The following OSBP2 variants were observed in gnomAD, a reference collection of about 807,000 sequenced individuals.
OSBP2 encodes the protein oxysterol-binding protein 2.
In OSBP2, 66 loss-of-function variants were observed where a neutral mutation model predicts 96.0. That is an observed-to-expected ratio of 0.69 (90% CI 0.56 to 0.84). OSBP2 has a LOEUF of 0.84. OSBP2 is among the 40% of genes least tolerant of loss of function. The probability of loss-of-function intolerance (pLI) is 0.00; values close to 1 mark genes in which losing one functional copy is unlikely to be tolerated. For synonymous variants in OSBP2, 525 were observed against 520.9 expected (o/e 1.01, Z -0.11); for missense variants, 1,038 against 1,222.7 (o/e 0.85, Z 2.25).
intron 4 of OSBP2, among the ~76,000 whole-genome samples, chr22:30,887,915 G>T (rs1030044706): frequency 2.0e-5 from 3 of 152,234 alleles, no homozygotes. Context: ...TGGGTTGGGG[G>T]TCATGGGGAC....
chr22:30,707,633 C>T (rs552954067), intron 1 of OSBP2, among the ~76,000 whole-genome samples: 14 of 150,826 alleles, frequency 9.3e-5, no homozygotes, highest in South Asian at 2.1e-4. Flanking sequence ...AGAGGAATGG[C>T]GTGAACCCGG....
At chr22:30,832,545 C>T (rs537021562) in intron 2 of OSBP2, among the ~76,000 whole-genome samples, 2 of 152,266 alleles carry the variant, frequency 1.3e-5, no homozygotes, top group African/African-American at 4.8e-5. Flanking sequence ...CCTGCCTTGG[C>T]CTTCCAAATG....
At chr22:30,712,881 G>A (rs2089376937) in intron 1 of OSBP2, among the ~76,000 whole-genome samples, 1 of 151,988 alleles carries the variant, frequency 6.6e-6, no homozygotes, top group Non-Finnish European at 1.5e-5. Flanking sequence ...GTAAAGGAAG[G>A]AGCCCTGGTT....
At chr22:30,745,467 C>T (rs561061538) in intron 2 of OSBP2, among the ~76,000 whole-genome samples, 75 of 152,030 alleles carry the variant, frequency 4.9e-4, no homozygotes, top group African/African-American at 1.7e-3. Context: ...TGAGACCAGC[C>T]TGGCCAACAT....
At chr22:30,822,811 A>C in intron 2 of OSBP2, 1 of 999,484 alleles carries the variant, frequency 1.0e-6, no homozygotes, top group Non-Finnish European at 1.4e-6. Flanking sequence ...GGAGCCTCTG[A>C]TGTCACTCCC....
intron 2 of OSBP2, among the ~76,000 whole-genome samples, chr22:30,858,368 G>A (rs1353064241): frequency 4.0e-5 from 6 of 150,712 alleles, no homozygotes; most frequent in East Asian, 2.0e-4. Flanking sequence ...GGATGGTCTC[G>A]ATCTCCTGAC....
chr22:30,788,546 G>A (rs1464779376), intron 2 of OSBP2, among the ~76,000 whole-genome samples: 1 of 152,164 alleles, frequency 6.6e-6, no homozygotes, highest in Non-Finnish European at 1.5e-5. Flanking sequence ...TGATTTTGCT[G>A]TGGCCTAGAC....
chr22:30,905,782 A>G (rs1356905414), intron 12 of OSBP2, 55 bp from the exon 13 acceptor site: 6 of 1,599,576 alleles, frequency 3.8e-6, no homozygotes, highest in Non-Finnish European at 5.1e-6. Context: ...GCGGCCGGGT[A>G]GGTGTGGTCC....
intron 1 of OSBP2, among the ~76,000 whole-genome samples, chr22:30,738,269 C>T (rs2089885244): frequency 1.3e-5 from 2 of 152,052 alleles, no homozygotes; most frequent in Non-Finnish European, 2.9e-5. Flanking sequence ...GAACACTGCC[C>T]ATCCCCCTCT....
At chr22:30,766,661 C>T (rs1332959569) in intron 2 of OSBP2, among the ~76,000 whole-genome samples, 1 of 152,106 alleles carries the variant, frequency 6.6e-6, no homozygotes, top group Non-Finnish European at 1.5e-5. Flanking sequence ...CTGACTCACA[C>T]CTGGGCCATT....
chr22:30,739,506 G>A (rs945750364), intron 1 of OSBP2, among the ~76,000 whole-genome samples: 7 of 151,122 alleles, frequency 4.6e-5, no homozygotes, highest in East Asian at 3.9e-4. Flanking sequence ...ACAGAGTCTC[G>A]CTCTGTCACC....
At chr22:30,867,942 G>A (rs538351276) in intron 2 of OSBP2, among the ~76,000 whole-genome samples, 15 of 152,380 alleles carry the variant, frequency 9.8e-5, no homozygotes, top group African/African-American at 3.4e-4. Context: ...GGCCGTTCTG[G>A]TTATTAGATG....
rs577920145 is a variant in OSBP2, at chr22:30,749,693, C to T, written c.853+8324C>T. On this transcript the variant is annotated intron_variant, in intron 2 of 13. Coordinates refer to ENST00000332585, the MANE Select transcript of OSBP2 (RefSeq NM_030758.4). ...CGCAATCTTGGCTTACTGCAACCTC[C>T]GCCTCCCAGGTTCAAGCAATTCTCC... Among the ~76,000 whole-genome samples the T allele has an allele frequency of 4.6e-5, 7 of 152,178 alleles. No homozygotes were observed. The East Asian group carries it at 1.2e-3, about 25-fold the overall frequency.
At chr22:30,831,178 A>T (rs1259256908) in intron 2 of OSBP2, among the ~76,000 whole-genome samples, 4 of 152,202 alleles carry the variant, frequency 2.6e-5, no homozygotes, top group African/African-American at 9.6e-5. Flanking sequence ...GTTCTGGTTC[A>T]TGATGCTTGG....
At chr22:30,795,518 A>ATTTTTTTTTTT (rs136288) in intron 2 of OSBP2, among the ~76,000 whole-genome samples, 1 of 122,300 alleles carries the variant, frequency 8.2e-6, no homozygotes. Flanking sequence ...TATCCAATGC[A>ATTTTTTTTTTT]TTTTTTTTTT....
chr22:30,856,200 C>G (rs564855171), intron 2 of OSBP2, among the ~76,000 whole-genome samples: 1 of 152,084 alleles, frequency 6.6e-6, no homozygotes, highest in Admixed American at 6.6e-5. Context: ...GCCTCCTACC[C>G]CTATACCCCT....
At chr22:30,698,201 A>G (rs774447536) in intron 1 of OSBP2, among the ~76,000 whole-genome samples, 15 of 152,134 alleles carry the variant, frequency 9.9e-5, no homozygotes, top group Non-Finnish European at 1.6e-4. Flanking sequence ...AGCCCTCTCC[A>G]GACACCCAGC....
chr22:30,893,965 T>C lies in OSBP2; in HGVS notation c.2339T>C (p.Leu780Pro), dbSNP rs1268236661. ...DGKQKTVYQT[L>P]SAKLLWKKYP... is the part of the protein sequence containing the mutation. ...AAGCAGAAGACAGTGTACCAGACCC[T>C]GTCAGCCAAGCTGCTGTGGAAGAAG... Residue 780 changes from leucine to proline, a missense_variant, in exon 12 of 14, where the codon CTG (leucine) becomes CCG (proline). By Grantham distance (98) the Leu-to-Pro change is moderately conservative. Transcript: ENST00000332585. 5 of 1,599,738 alleles carry C rather than the reference T, an allele frequency of 3.1e-6. No homozygotes were observed. Among genetic ancestry groups the C allele is most frequent in the Non-Finnish European group, 4.3e-6 (5 of 1,173,724 alleles).
chr22:30,893,698 C>G lies in OSBP2; in HGVS notation c.2155C>G (p.Pro719Ala), dbSNP rs777949664. ...TGACCGGTGCCAGCTGAAGTTCCTG[C>G]CCTACAGCTACTTCTCCAAAGAGGC... ...TNDRCQLKFL[P>A]YSYFSKEAAR... Residue 719 changes from proline to alanine, a missense_variant, in exon 11 of 14, where the codon CCC (proline) becomes GCC (alanine). This residue lies in a region of OSBP2 where 737 missense variants were observed against 913.3 expected (regional missense o/e 0.81). Coordinates refer to ENST00000332585, the MANE Select transcript of OSBP2 (RefSeq NM_030758.4). The G allele has an allele frequency of 1.2e-6, 2 of 1,614,146 alleles. No individual in the cohort carries two copies. Among genetic ancestry groups the G allele is most frequent in the Non-Finnish European group, 1.7e-6 (2 of 1,179,992 alleles).
Sources: gnomAD v4.1 joint callset for allele counts (sites outside exome capture counted in the v4.1 genomes callset) on GRCh38, gnomAD v4.1.1 for gene constraint, gnomAD v4.1.1 regional missense constraint, MANE v1.5 for transcripts, NCBI Gene and HGNC (gene_info 2026-07-23, HGNC 2026-07-21) for gene names.